HPN: variants seen among roughly 807,000 people sequenced by gnomAD.
The protein encoded by HPN is serine protease hepsin.
Under a neutral mutation model 55.9 loss-of-function variants are expected in HPN, and 13 were observed. That is an observed-to-expected ratio of 0.23 (90% CI 0.15 to 0.37). HPN has a LOEUF of 0.37. Ranked by LOEUF, HPN falls within the 10% of genes least tolerant of loss-of-function variation. The probability of loss-of-function intolerance (pLI) is 1.00; values close to 1 mark genes in which losing one functional copy is unlikely to be tolerated. For synonymous variants in HPN, 225 were observed against 240.3 expected (o/e 0.94, Z 0.59); for missense variants, 451 against 575.8 (o/e 0.78, Z 2.22).
chr19:35,064,572 G>A (rs1023101675), intron 9 of HPN, among the ~76,000 whole-genome samples: 1 of 151,918 alleles, frequency 6.6e-6, no homozygotes, highest in South Asian at 2.1e-4. Flanking sequence ...AGGCTGCAGT[G>A]AGCCATGTTC....
At chr19:35,050,515 AT>A in intron 4 of HPN, 13 of 1,289,188 alleles carry the variant, frequency 1.0e-5, no homozygotes, top group Non-Finnish European at 1.3e-5. Context: ...TCTTAGACTT[AT>A]CCACTGTAAG....
intron 2 of HPN, among the ~76,000 whole-genome samples, chr19:35,047,663 G>C (rs1234431774): frequency 6.6e-6 from 1 of 152,056 alleles, no homozygotes; most frequent in Admixed American, 6.5e-5. Context: ...CGGATGTTCA[G>C]TAGGATGGTA....
rs540599600 is a variant in HPN at position 35,065,282 on chromosome 19, G to A, written c.844G>A (p.Gly282Ser). 25 of 1,613,920 alleles carry A rather than the reference G, an allele frequency of 1.5e-5. No homozygotes were observed. Among genetic ancestry groups the A allele is most frequent in the South Asian group, 5.5e-5 (5 of 91,038 alleles). ...YIQPVCLPAA[G>S]QALVDGKICT... is the part of the protein sequence containing the mutation. ...CCAGCCTGTGTGCCTCCCAGCTGCC[G>A]GCCAGGCCCTGGTGGATGGCAAGAT... Residue 282 changes from glycine (G) to serine (S), a missense_variant, in exon 10 of 13, where the codon GGC becomes AGC. By Grantham distance (56) the Gly-to-Ser change is moderately conservative. Around this residue, in one of 2 missense-constraint regions of HPN, gnomAD observed 378 missense variants for 445.5 expected, o/e 0.85. Coordinates refer to ENST00000672452, the MANE Select transcript of HPN (RefSeq NM_001384133.1).
intron 4 of HPN, among the ~76,000 whole-genome samples, chr19:35,055,800 G>T (rs189256164): frequency 6.6e-6 from 1 of 152,230 alleles, no homozygotes; most frequent in East Asian, 1.9e-4. Context: ...AAACCTGGCT[G>T]CCTCAAGAGG....
At chr19:35,048,056 G>GA (rs1384450545) in intron 2 of HPN, among the ~76,000 whole-genome samples, 8 of 52,156 alleles carry the variant, frequency 1.5e-4, no homozygotes, top group Admixed American at 2.7e-4. Flanking sequence ...AAGAAAGAAA[G>GA]AAAGAAAGAA....
intron 12 of HPN, 27 bp from the exon 13 acceptor site, chr19:35,066,222 C>T (rs200803829): frequency 1.9e-4 from 312 of 1,614,006 alleles, no homozygotes; most frequent in Non-Finnish European, 2.6e-4. Flanking sequence ...TCTCAGACCT[C>T]GGGAGCCCCC....
intron 4 of HPN, among the ~76,000 whole-genome samples, chr19:35,057,869 G>T (rs2064472235): frequency 6.6e-6 from 1 of 152,098 alleles, no homozygotes; most frequent in Admixed American, 6.5e-5. Context: ...CATATTTTAA[G>T]GCCGGGTGCA....
At position 35,059,815 on chromosome 19, in the gene HPN, C is replaced by G; in HGVS notation, c.290+13C>G. ...TGGGCTTCCTCAGGTACTGGGGGCC[C>G]TCGGAGGGGTGGGAGCCGGGAGGGG... On this transcript the variant is annotated intron_variant, in intron 5 of 12. Transcript: ENST00000672452. The G allele has an allele frequency of 6.4e-7, 1 of 1,550,620 alleles. No homozygotes were observed. Among genetic ancestry groups the G allele is most frequent in the Non-Finnish European group, 8.7e-7 (1 of 1,146,648 alleles).
intron 2 of HPN, among the ~76,000 whole-genome samples, chr19:35,044,079 C>T (rs1326407793): frequency 1.3e-5 from 2 of 152,208 alleles, no homozygotes; most frequent in Admixed American, 6.5e-5. Context: ...CTCCTTTTCT[C>T]ATCTGTAAAC....
chr19:35,063,923 A>G (rs181664825), intron 9 of HPN, among the ~76,000 whole-genome samples: 2 of 152,332 alleles, frequency 1.3e-5, no homozygotes, highest in Non-Finnish European at 2.9e-5. Context: ...TAAAAGGGTT[A>G]ATATGAGTAA....
rs1600398475 is a variant in HPN, at chr19:35,064,347, C to CT, written c.812-902dup. On this transcript the variant is annotated intron_variant, in intron 9 of 12. Transcript: ENST00000672452. ...CTCTCTCTCTCTCTCTCTTTCTTCT[C>CT]TCTCTCTCTTTCTTTTTTTGAGACA... 5.9e-5 allele frequency among the ~76,000 whole-genome samples: 9 copies of CT among 151,442 alleles called. No homozygotes were observed. In the East Asian group the frequency reaches 1.8e-3, roughly 30 times the overall value.
intron 2 of HPN, among the ~76,000 whole-genome samples, chr19:35,048,102 A>T: frequency 6.8e-6 from 1 of 147,608 alleles, no homozygotes; most frequent in South Asian, 2.2e-4. Flanking sequence ...AGGAAGGAAA[A>T]GAAAAAAACT....
intron 10 of HPN, 63 bp downstream of exon 10, chr19:35,065,408 G>T: frequency 6.4e-7 from 1 of 1,566,266 alleles, no homozygotes; most frequent in Admixed American, 1.7e-5. Context: ...GCTGGGGATG[G>T]GCAGTCTGGC....
chr19:35,063,315 A>G (rs2064558192), intron 9 of HPN, among the ~76,000 whole-genome samples: 2 of 152,254 alleles, frequency 1.3e-5, no homozygotes, highest in Non-Finnish European at 2.9e-5. Flanking sequence ...ATCCAGGGCC[A>G]TGTTGGGGTT....
At chr19:35,042,330 G>A in intron 1 of HPN, 123 bp from the exon 2 acceptor site, 4 of 1,417,898 alleles carry the variant, frequency 2.8e-6, no homozygotes, top group South Asian at 1.5e-5. Flanking sequence ...CCGTGATCAC[G>A]GCGTGCTCTG....
At chr19:35,063,028 C>T (rs1391794300) in intron 9 of HPN, among the ~76,000 whole-genome samples, 1 of 152,178 alleles carries the variant, frequency 6.6e-6, no homozygotes, top group Non-Finnish European at 1.5e-5. Context: ...GATGAGTGTA[C>T]ACAACACAGT....
At chr19:35,048,239 G>A (rs1274370789) in intron 2 of HPN, among the ~76,000 whole-genome samples, 5 of 152,176 alleles carry the variant, frequency 3.3e-5, no homozygotes, top group South Asian at 2.1e-4. Context: ...GGATGGCTTC[G>A]TGGCTGTACA....
At chr19:35,055,665 T>C (rs2064447708) in intron 4 of HPN, among the ~76,000 whole-genome samples, 3 of 150,050 alleles carry the variant, frequency 2.0e-5, no homozygotes, top group Admixed American at 6.6e-5. Flanking sequence ...CCAGCCCCCT[T>C]CCCCTCCCCT....
rs534253706 is a variant in HPN at position 35,058,597 on chromosome 19, A to C, written c.161-1076A>C. Among the ~76,000 whole-genome samples, 9 of 147,066 alleles carry C rather than the reference A, an allele frequency of 6.1e-5. No individual in the cohort carries two copies. In the South Asian group the frequency reaches 1.7e-3, roughly 28 times the overall value. On this transcript the variant is annotated intron_variant, in intron 4 of 12. Transcript: ENST00000672452. ...TATTATAATAATATATTATTATATT[A>C]TAACAATATATTAATATTATATTAT...
Sources: allele counts gnomAD v4.1 joint callset (sites outside exome capture counted in the v4.1 genomes callset), GRCh38; gene constraint gnomAD v4.1.1; regional missense constraint gnomAD v4.1.1; transcripts MANE v1.5; gene names NCBI Gene and HGNC (gene_info 2026-07-23, HGNC 2026-07-21).